The following CCNF variants were observed in gnomAD, a reference collection of about 807,000 sequenced individuals.
The protein encoded by CCNF is cyclin F.
Under a neutral mutation model 85.4 loss-of-function variants are expected in CCNF, and 30 were observed. The ratio of observed to expected loss-of-function variants is 0.35; its 90% CI spans 0.26 to 0.48. CCNF has a LOEUF of 0.48. Ranked by LOEUF, CCNF falls within the 20% of genes least tolerant of loss-of-function variation. CCNF has a pLI of 0.99. For missense variants in CCNF, 919 were observed against 1,010.4 expected, an observed-to-expected ratio of 0.91 and a Z score of 1.23; for synonymous variants, 439 against 425.1, an observed-to-expected ratio of 1.03 and a Z score of -0.40.
intron 10 of CCNF, among the ~76,000 whole-genome samples, chr16:2,447,887 G>A (rs1485610752): frequency 6.6e-6 from 1 of 152,130 alleles, no homozygotes. Context: ...GGCGTCTGCA[G>A]CCCCCACGCT....
Position 2,456,389 on chromosome 16 carries a change from G to T in CCNF, c.1886-156G>T. 2.0e-6 allele frequency: 1 copy of T among 489,514 alleles called. No individual in the cohort carries two copies. Among genetic ancestry groups the T allele is most frequent in the Non-Finnish European group, 3.5e-6 (1 of 282,954 alleles). 30.3% of individuals were successfully genotyped at this position (489,514 alleles called of 1,614,324 possible). ...CGGGCAGCTGTCCAACTTGGAAGAG[G>T]CATGTCACCCACGCTTCTCACCACA... On this transcript the variant is annotated intron_variant, in intron 16 of 16. Transcript: ENST00000397066. This position sits in a 1 kb window ranked among gnomAD's most constrained non-coding sequence, Gnocchi z 4.5.
At chr16:2,439,587 GAA>G in intron 7 of CCNF, 130 bp downstream of exon 7, 1 of 894,604 alleles carries the variant, frequency 1.1e-6, no homozygotes, top group Non-Finnish European at 1.8e-6. Context: ...CAGCCTCCGG[GAA>G]CCACTGGTCA....
At chr16:2,433,631 G>GTT (rs1223108962) in intron 3 of CCNF, among the ~76,000 whole-genome samples, 61 of 152,234 alleles carry the variant, frequency 4.0e-4, no homozygotes, top group African/African-American at 1.2e-3. Flanking sequence ...TCTGTCACCA[G>GTT]GCTGGAGTGC....
intron 10 of CCNF, 120 bp downstream of exon 10, chr16:2,445,742 T>TTTTC (rs1555497788): frequency 4.0e-6 from 4 of 1,008,142 alleles, no homozygotes; most frequent in Admixed American, 2.9e-5. Flanking sequence ...TTTTTTTTTT[T>TTTTC]CCCGAGACCA....
At chr16:2,450,451 C>T (rs750046213) in intron 13 of CCNF, among the ~76,000 whole-genome samples, 24 of 149,970 alleles carry the variant, frequency 1.6e-4, no homozygotes, top group Non-Finnish European at 2.7e-4. Context: ...GCAGAGGTTG[C>T]GGTGAGCCGA....
intron 6 of CCNF, among the ~76,000 whole-genome samples, chr16:2,438,690 G>C: frequency 6.6e-6 from 1 of 151,680 alleles, no homozygotes; most frequent in East Asian, 1.9e-4. Flanking sequence ...TGAGTAGAGT[G>C]ATTGAACATC....
At chr16:2,444,301 C>A (rs2065349390) in intron 9 of CCNF, among the ~76,000 whole-genome samples, 2 of 139,150 alleles carry the variant, frequency 1.4e-5, no homozygotes, top group Non-Finnish European at 3.1e-5. Context: ...TCTTCAGTTA[C>A]TTTTTTTTTT....
In CCNF at chr16:2,453,480, TCAG is replaced by T. The variant is rs756713242; in HGVS notation, c.1661_1663del (p.Ser554del). 5 of 1,614,026 alleles carry T rather than the reference TCAG, an allele frequency of 3.1e-6. No homozygotes were observed. The highest frequency in any genetic ancestry group is 1.7e-5 in the Admixed American group (1 of 60,018). On this transcript the variant is annotated inframe_deletion, in exon 15 of 17. Transcript: ENST00000397066. The surrounding 1 kb of genome is among the most constrained non-coding windows in gnomAD (Gnocchi z 5.6). ...GACAGCCCCGACCCCCCGACTTTCC[TCAG>T]CACAGGGGAGATCCACGCCTTCCTC...
At position 2,446,779 on chromosome 16, in the gene CCNF, A is replaced by C. The variant is rs574972537; in HGVS notation, c.1094+1157A>C. 2.6e-5 allele frequency among the ~76,000 whole-genome samples: 4 copies of C among 152,274 alleles called. No homozygotes were observed. The East Asian group carries it at 5.8e-4, about 22-fold the overall frequency. On this transcript the variant is annotated intron_variant, in intron 10 of 16. Coordinates refer to ENST00000397066, the MANE Select transcript of CCNF (RefSeq NM_001761.3). Reference sequence around the variant, plus strand: ...TTTCATGAGGAAGCAGAGGAGCCCCATCTCCCATCTTAATCTCTGCCACCA... The same window carrying C: ...TTTCATGAGGAAGCAGAGGAGCCCCCTCTCCCATCTTAATCTCTGCCACCA...
chr16:2,449,971 C>G lies in CCNF; in HGVS notation c.1487+56C>G, dbSNP rs892211949. 1.4e-5 allele frequency: 17 copies of G among 1,216,142 alleles called. No homozygotes were observed. In the African/African-American group the frequency reaches 2.4e-4, roughly 17 times the overall value. 75.3% of individuals were successfully genotyped at this position (1,216,142 alleles called of 1,614,324 possible). On this transcript the variant is annotated intron_variant, in intron 13 of 16. Transcript: ENST00000397066. ...CCTGTAACCCCAGCACTTTGGGAGG[C>G]CGAGGCGGGCAGATCATTTGAGGTC...
chr16:2,430,239 G>A (rs1401883406), intron 1 of CCNF, among the ~76,000 whole-genome samples: 6 of 152,098 alleles, frequency 3.9e-5, no homozygotes, highest in Non-Finnish European at 5.9e-5. Flanking sequence ...AGGACTGGAA[G>A]GAAGGATGGA....
At chr16:2,431,424 TCCTAG>T in intron 2 of CCNF, 140 bp downstream of exon 2, 1 of 862,088 alleles carries the variant, frequency 1.2e-6, no homozygotes, top group Non-Finnish European at 1.8e-6. Flanking sequence ...CATGCCTTAA[TCCTAG>T]CACTTTGGGA....
At chr16:2,437,905 A>T in intron 5 of CCNF, 165 bp from the exon 6 acceptor site, 4 of 353,562 alleles carry the variant, frequency 1.1e-5, no homozygotes, top group Non-Finnish European at 1.6e-5. Context: ...TTTCCCTTTA[A>T]AAAAAAAAAA....
rs1414235136 is a variant in CCNF at position 2,441,974 on chromosome 16, T to A, written c.778-1675T>A. On this transcript the variant is annotated intron_variant, in intron 8 of 16. Coordinates refer to ENST00000397066, the MANE Select transcript of CCNF (RefSeq NM_001761.3). ...ATATATATATATATATATATATATA[T>A]ATATATATGTTTTTGTTTTTGTTTT... Among the ~76,000 whole-genome samples the A allele has an allele frequency of 2.3e-5, 3 of 132,500 alleles. No homozygotes were observed. In the East Asian group the frequency reaches 6.9e-4, roughly 31 times the overall value. 86.9% of individuals were successfully genotyped at this position (132,500 alleles called of 152,430 possible).
At chr16:2,438,230 A>T in intron 6 of CCNF, 107 bp downstream of exon 6, 1 of 873,240 alleles carries the variant, frequency 1.1e-6, no homozygotes, top group Non-Finnish European at 2.0e-6. Flanking sequence ...CCAAAACAAA[A>T]GGCAAGCCTT....
rs2065433100 is a variant in CCNF at position 2,457,016 on chromosome 16, TGTAA to T, written c.2360_*2del. The T allele has an allele frequency of 5.7e-6, 9 of 1,576,204 alleles. No homozygotes were observed. The highest frequency in any genetic ancestry group is 7.8e-6 in the Non-Finnish European group (9 of 1,159,356). On this transcript the variant is annotated frameshift_variant and stop_lost, in exon 17 of 17. Coordinates refer to ENST00000397066, the MANE Select transcript of CCNF (RefSeq NM_001761.3). LOFTEE classifies it high-confidence loss of function. ...GACATGAACCTGGGCCTTGTGAGGCTGTAAGTGTGTCAGCACATTTGCCGCAGTG... is the reference window on the plus strand; with the variant it reads ...GACATGAACCTGGGCCTTGTGAGGCTGTGTGTCAGCACATTTGCCGCAGTG...
intron 15 of CCNF, among the ~76,000 whole-genome samples, chr16:2,454,829 G>A (rs1279397880): frequency 6.6e-6 from 1 of 152,188 alleles, no homozygotes; most frequent in Admixed American, 6.5e-5. Flanking sequence ...GGAGGCCGAG[G>A]TGGGCGGATC....
chr16:2,429,962 C>A (rs1168475559), intron 1 of CCNF, among the ~76,000 whole-genome samples: 1 of 152,192 alleles, frequency 6.6e-6, no homozygotes, highest in African/African-American at 2.4e-5. Context: ...TTCGGCCCCG[C>A]GCGCGTTGAG....
chr16:2,445,724 G>GTTTTTTT, intron 10 of CCNF, 102 bp downstream of exon 10: 4 of 782,934 alleles, frequency 5.1e-6, no homozygotes, highest in Non-Finnish European at 5.2e-6. Flanking sequence ...GTTTTGTTTT[G>GTTTTTTT]TGTTGTTTTT....
Sources: gnomAD v4.1 joint callset for allele counts (sites outside exome capture counted in the v4.1 genomes callset) on GRCh38, gnomAD v4.1.1 for gene constraint, Gnocchi (gnomAD v3.1) non-coding constraint, MANE v1.5 for transcripts, NCBI Gene and HGNC (gene_info 2026-07-23, HGNC 2026-07-21) for gene names.